MEGF10: variants seen among roughly 807,000 people sequenced by gnomAD.
The protein encoded by MEGF10 is multiple EGF like domains 10.
In MEGF10, 86 loss-of-function variants were observed where a neutral mutation model predicts 147.5. That is an observed-to-expected ratio of 0.58 (90% CI 0.49 to 0.70). The LOEUF (loss-of-function observed/expected upper bound fraction) is 0.70, where lower values mean the gene tolerates loss of function less well. MEGF10 is among the 30% of genes least tolerant of loss of function. The pLI is 0.00. For missense variants in MEGF10, 1,329 were observed against 1,487.3 expected (o/e 0.89, Z 1.75); for synonymous variants, 478 against 525.5 (o/e 0.91, Z 1.24).
At chr5:127,414,063 A>T (rs1021312746) in intron 9 of MEGF10, among the ~76,000 whole-genome samples, 2 of 152,234 alleles carry the variant, frequency 1.3e-5, no homozygotes, top group Non-Finnish European at 2.9e-5. Flanking sequence ...ATCACTTGAA[A>T]TATTTCTTTT....
At chr5:127,400,625 C>G (rs576013998) in intron 7 of MEGF10, among the ~76,000 whole-genome samples, 11 of 152,178 alleles carry the variant, frequency 7.2e-5, no homozygotes, top group Non-Finnish European at 1.3e-4. Context: ...GATCTTCAGG[C>G]CTTTTACTCC....
At chr5:127,396,996 G>A (rs1479828948) in intron 6 of MEGF10, among the ~76,000 whole-genome samples, 5 of 152,174 alleles carry the variant, frequency 3.3e-5, no homozygotes, top group African/African-American at 1.2e-4. Flanking sequence ...TGAATCTAAG[G>A]GTCAGCTTCC....
intron 1 of MEGF10, among the ~76,000 whole-genome samples, chr5:127,321,895 A>G (rs1300155188): frequency 1.3e-5 from 2 of 152,136 alleles, no homozygotes; most frequent in East Asian, 1.9e-4. Flanking sequence ...GTACCCTGCT[A>G]CATGTCAGAG....
chr5:127,390,466 A>G (rs1270663867), intron 5 of MEGF10, among the ~76,000 whole-genome samples: 1 of 151,872 alleles, frequency 6.6e-6, no homozygotes, highest in African/African-American at 2.4e-5. Context: ...ATTTTTGTAT[A>G]TTTTTGTAGA....
chr5:127,344,995 A>G (rs1034627934), intron 4 of MEGF10, among the ~76,000 whole-genome samples: 7 of 152,212 alleles, frequency 4.6e-5, no homozygotes, highest in Admixed American at 6.5e-5. Context: ...GGAAAAGGAC[A>G]GTAGCTCAGA....
chr5:127,238,814 T>TAC, the MEGF10 span, among the ~76,000 whole-genome samples: 1,382 of 152,320 alleles, frequency 9.1e-3, 30 homozygotes, highest in African/African-American at 0.032. Flanking sequence ...TAAATGTCTC[T>TAC]TGGTATTAAG....
chr5:127,312,228 G>A (rs909661234), intron 1 of MEGF10, among the ~76,000 whole-genome samples: 1 of 152,146 alleles, frequency 6.6e-6, no homozygotes, highest in Non-Finnish European at 1.5e-5. Flanking sequence ...TATCTTAACT[G>A]GCACCAGGAA....
chr5:127,275,663 A>T, the MEGF10 span, among the ~76,000 whole-genome samples: 1 of 152,226 alleles, frequency 6.6e-6, no homozygotes, highest in Non-Finnish European at 1.5e-5. Context: ...TCACAGAAAT[A>T]CACTTCTCAG....
intron 1 of MEGF10, among the ~76,000 whole-genome samples, chr5:127,294,421 G>C (rs1759402225): frequency 6.6e-6 from 1 of 152,168 alleles, no homozygotes; most frequent in African/African-American, 2.4e-5. Context: ...CAAAGTGGTT[G>C]GGACAGTATT....
chr5:127,423,214 A>G (rs1765087389), intron 13 of MEGF10, among the ~76,000 whole-genome samples: 1 of 152,260 alleles, frequency 6.6e-6, no homozygotes, highest in South Asian at 2.1e-4. Context: ...TAAAATGTTC[A>G]TTGCTGGAAG....
chr5:127,449,327 C>A, intron 22 of MEGF10, 105 bp downstream of exon 22: 1 of 1,479,284 alleles, frequency 6.8e-7, no homozygotes, highest in Non-Finnish European at 9.2e-7. Context: ...AAACTTGCAT[C>A]AAAAAGCACA....
At chr5:127,354,886 G>T (rs957556998) in intron 4 of MEGF10, among the ~76,000 whole-genome samples, 3 of 152,192 alleles carry the variant, frequency 2.0e-5, no homozygotes, top group African/African-American at 7.2e-5. Context: ...GTCAGCCACA[G>T]GGGGGTCTGA....
At chr5:127,327,355 A>C (rs1430157376) in intron 1 of MEGF10, among the ~76,000 whole-genome samples, 1 of 152,226 alleles carries the variant, frequency 6.6e-6, no homozygotes, top group East Asian at 1.9e-4. Flanking sequence ...AGGAAGTCTG[A>C]GTGGGTGAGG....
At chr5:127,311,970 G>T (rs905915030) in intron 1 of MEGF10, among the ~76,000 whole-genome samples, 3 of 152,144 alleles carry the variant, frequency 2.0e-5, no homozygotes, top group Non-Finnish European at 4.4e-5. Context: ...ACTTTAAAAA[G>T]TCATAATTAC....
intron 1 of MEGF10, among the ~76,000 whole-genome samples, chr5:127,304,187 T>C (rs1759906710): frequency 6.6e-6 from 1 of 152,202 alleles, no homozygotes; most frequent in African/African-American, 2.4e-5. Flanking sequence ...AGCTGCAAAA[T>C]TCTTCTTTCC....
chr5:127,445,721 T>C (rs892028620), intron 20 of MEGF10, 28 bp downstream of exon 20: 4 of 1,566,508 alleles, frequency 2.6e-6, no homozygotes, highest in Non-Finnish European at 3.5e-6. Context: ...AGAGGCATTT[T>C]GCTTCTTGAA....
chr5:127,276,846 A>G, the MEGF10 span, among the ~76,000 whole-genome samples: 66 of 152,268 alleles, frequency 4.3e-4, no homozygotes, highest in Middle Eastern at 3.4e-3. Context: ...AAGAAAAGGT[A>G]GAGCATGGTA....
At chr5:127,430,720 G>T (rs1765363434) in intron 13 of MEGF10, among the ~76,000 whole-genome samples, 1 of 152,140 alleles carries the variant, frequency 6.6e-6, no homozygotes, top group Admixed American at 6.5e-5. Context: ...GGAGAAGAGG[G>T]TACAGCAAGA....
At chr5:127,332,493 G>A (rs1761301419) in intron 2 of MEGF10, among the ~76,000 whole-genome samples, 1 of 152,080 alleles carries the variant, frequency 6.6e-6, no homozygotes, top group African/African-American at 2.4e-5. Flanking sequence ...GTATTATTCT[G>A]GGGACATGCT....
Sources: allele counts gnomAD v4.1 joint callset (sites outside exome capture counted in the v4.1 genomes callset), GRCh38; gene constraint gnomAD v4.1.1; transcripts MANE v1.5; gene names NCBI Gene and HGNC (gene_info 2026-07-23, HGNC 2026-07-21).